Variants in PCNT observed in about 807,000 individuals in gnomAD.
PCNT encodes the protein pericentrin.
In PCNT, 319 loss-of-function variants were observed where a neutral mutation model predicts 380.4. The observed-to-expected ratio is 0.84, with a 90% CI of 0.77 to 0.92. PCNT has a LOEUF of 0.92. Ranked by LOEUF, PCNT falls within the 40% of genes least tolerant of loss-of-function variation. The pLI is 0.00. For missense variants in PCNT, 4,400 were observed against 4,255.3 expected, an observed-to-expected ratio of 1.03 and a Z score of -0.95; for synonymous variants, 1,845 against 1,735.2, an observed-to-expected ratio of 1.06 and a Z score of -1.57.
intron 37 of PCNT, chr21:46,431,310 C>T: frequency 7.0e-7 from 1 of 1,419,168 alleles, no homozygotes; most frequent in Non-Finnish European, 9.2e-7. Context: ...ACCCAGGACT[C>T]AACACCATTT....
chr21:46,360,778 A>G (rs570985227), intron 13 of PCNT, among the ~76,000 whole-genome samples: 4 of 151,698 alleles, frequency 2.6e-5, no homozygotes, highest in Admixed American at 6.6e-5. Flanking sequence ...TCGGCCTCCC[A>G]AAGTGCTGGG....
chr21:46,346,991 G>A lies in PCNT; in HGVS notation c.969G>A (p.Gln323=), dbSNP rs1321851847. 1.3e-6 allele frequency: 2 copies of A among 1,595,198 alleles called. No individual in the cohort carries two copies. The highest frequency in any genetic ancestry group is 8.5e-7 in the Non-Finnish European group (1 of 1,173,516). The stretch of plus-strand genomic sequence containing the variant: ...AGGAGGTGGTGCTCAGGTGTGGACA[G>A]GAAGCAGGTACTGCATGGCTAGGCG... ...EKEEVVLRCG[Q]EAAELKEKLQ... The change falls in exon 5 of 47, where the codon CAG becomes CAA. Residue 323 remains glutamine, a synonymous_variant. Transcript: ENST00000359568.
At chr21:46,374,849 CAAAAAAAA>C (rs760273140) in intron 15 of PCNT, among the ~76,000 whole-genome samples, 11 of 85,562 alleles carry the variant, frequency 1.3e-4, no homozygotes, top group Non-Finnish European at 1.8e-4. Context: ...AACTTCGTCT[CAAAAAAAA>C]AAAAAAAAAA....
At position 46,443,966 on chromosome 21, in the gene PCNT, A is replaced by G. The variant is rs1003538985; in HGVS notation, c.9839+18A>G. 1.9e-6 allele frequency: 3 copies of G among 1,608,348 alleles called. No homozygotes were observed. Among genetic ancestry groups the G allele is most frequent in the Non-Finnish European group, 2.5e-6 (3 of 1,177,244 alleles). On this transcript the variant is annotated intron_variant, in intron 45 of 46. Coordinates refer to ENST00000359568, the MANE Select transcript of PCNT (RefSeq NM_006031.6). ...GGGGGAAGGTCAGTGTGATGCCTTC[A>G]GGCCCCGTCTCCTGCCAGGGCTCTC...
At position 46,422,077 on chromosome 21, in the gene PCNT, C is replaced by T. The variant is rs1238999624; in HGVS notation, c.7132C>T (p.Leu2378=). 4 of 1,613,946 alleles carry T rather than the reference C, an allele frequency of 2.5e-6. No individual in the cohort carries two copies. The highest frequency in any genetic ancestry group is 3.4e-6 in the Non-Finnish European group (4 of 1,180,030). Residue 2378 remains leucine, a synonymous_variant, in exon 32 of 47, where the codon CTG becomes TTG. Coordinates refer to ENST00000359568, the MANE Select transcript of PCNT (RefSeq NM_006031.6). ...TTCCATCTCTGGAAGGTTTCAGCCG[C>T]TGCCGGAAGCCATGAAGGAGAAGGA... ...PASISGRFQP[L]PEAMKEKEVR... is the part of the protein sequence containing the mutation.
At chr21:46,406,448 A>G (rs192502866) in intron 27 of PCNT, among the ~76,000 whole-genome samples, 1 of 152,376 alleles carries the variant, frequency 6.6e-6, no homozygotes, top group East Asian at 1.9e-4. Flanking sequence ...GTGAATACAC[A>G]TACACCTTTT....
chr21:46,424,701 C>T (rs2087414510), intron 32 of PCNT, among the ~76,000 whole-genome samples: 1 of 110,034 alleles, frequency 9.1e-6, no homozygotes, highest in African/African-American at 3.9e-5. Flanking sequence ...TCCCCCGGCC[C>T]TGCTCCCACT....
rs750576298 is a variant in PCNT, at chr21:46,349,174, A to C, written c.1195A>C (p.Asn399His). The C allele has an allele frequency of 2.5e-6, 4 of 1,613,660 alleles. No homozygotes were observed. In the South Asian group the frequency reaches 4.4e-5, roughly 18 times the overall value. Reference protein sequence around the residue: ...AELEKIFQDKNQAERALRNLE... With the variant: ...AELEKIFQDKHQAERALRNLE... Reference sequence around the variant, plus strand: ...GTTGGAGAAGATTTTTCAAGACAAAAACCAGGCTGAACGTAAGTAATGAAA... The same window carrying C: ...GTTGGAGAAGATTTTTCAAGACAAACACCAGGCTGAACGTAAGTAATGAAA... The change falls in exon 7 of 47, where the codon AAC (asparagine) becomes CAC (histidine). Residue 399 changes from asparagine (N) to histidine (H), a missense_variant. Transcript: ENST00000359568.
At chr21:46,366,434 G>A (rs547129440) in intron 14 of PCNT, 150 bp from the exon 15 acceptor site, 54 of 714,686 alleles carry the variant, frequency 7.6e-5, no homozygotes, top group African/African-American at 7.0e-4. Flanking sequence ...TCTGGTGGTC[G>A]AGGGAAAAGT....
At position 46,401,722 on chromosome 21, in the gene PCNT, G is replaced by C. The variant is rs759918881; in HGVS notation, c.4962+1G>C. The C allele has an allele frequency of 1.2e-6, 2 of 1,613,932 alleles. No homozygotes were observed. Among genetic ancestry groups the C allele is most frequent in the Admixed American group, 1.7e-5 (1 of 60,008 alleles). ...AGCACTCCTGCGGCGCGAGAGCGAG[G>C]TGAGTGCAGAGTGGGGCCATGGGAC... On this transcript the variant is annotated splice_donor_variant, in intron 26 of 46. Coordinates refer to ENST00000359568, the MANE Select transcript of PCNT (RefSeq NM_006031.6). LOFTEE classifies it high-confidence loss of function.
In PCNT at chr21:46,326,558, C is replaced by T. The variant is rs745598788; in HGVS notation, c.236C>T (p.Pro79Leu). 3.9e-5 allele frequency: 63 copies of T among 1,614,132 alleles called. 2 individuals are homozygous for T. The South Asian group carries it at 6.4e-4, about 16-fold the overall frequency. ...AAAAGCACATCATGTGACGACACCCCTGATGGGGCAGGAGGGGCCTTTGCA... is the reference window on the plus strand; with the variant it reads ...AAAAGCACATCATGTGACGACACCCTTGATGGGGCAGGAGGGGCCTTTGCA... ...ICKSTSCDDT[P>L]DGAGGAFAAQ... Residue 79 changes from proline to leucine, a missense_variant, in exon 2 of 47, where the codon CCT becomes CTT. Coordinates refer to ENST00000359568, the MANE Select transcript of PCNT (RefSeq NM_006031.6).
At position 46,416,496 on chromosome 21, in the gene PCNT, C is replaced by T. The variant is rs368565898; in HGVS notation, c.6578C>T (p.Pro2193Leu). Residue 2193 changes from proline to leucine, a missense_variant, in exon 30 of 47, where the codon CCG becomes CTG. Physicochemically the swap from Pro to Leu is moderately conservative, Grantham distance 98. Transcript: ENST00000359568. The part of the protein sequence containing the change: ...SECQDMSLSS[P>L]TSVLGGSRHQ... The stretch of plus-strand genomic sequence containing the variant: ...TGTCAGGACATGTCTCTTTCTTCAC[C>T]GACCAGCGTACTTGGTGGCTCCCGC... The T allele has an allele frequency of 3.4e-5, 55 of 1,613,976 alleles. No homozygotes were observed. In the East Asian group the frequency reaches 3.6e-4, roughly 10 times the overall value.
chr21:46,333,807 C>T (rs1352713724), intron 2 of PCNT, among the ~76,000 whole-genome samples: 2 of 147,428 alleles, frequency 1.4e-5, no homozygotes. Context: ...AACTGCATTG[C>T]AGCCTGGCAA....
chr21:46,327,964 C>A (rs896994738), intron 2 of PCNT, among the ~76,000 whole-genome samples: 2 of 152,186 alleles, frequency 1.3e-5, no homozygotes, highest in Admixed American at 6.5e-5. Context: ...GCCTACAAAC[C>A]TGCCTGGAGG....
intron 31 of PCNT, among the ~76,000 whole-genome samples, 190 bp downstream of exon 31, chr21:46,418,496 A>G (rs1318143225): frequency 6.6e-6 from 1 of 152,194 alleles, no homozygotes; most frequent in Non-Finnish European, 1.5e-5. Flanking sequence ...TACCTTTCAC[A>G]GAGCCAAGGT....
At chr21:46,392,968 C>T (rs1342211143) in intron 21 of PCNT, among the ~76,000 whole-genome samples, 1 of 152,144 alleles carries the variant, frequency 6.6e-6, no homozygotes, top group Non-Finnish European at 1.5e-5. Flanking sequence ...TTTTAAAAGC[C>T]TGTCTGTGAG....
chr21:46,344,457 G>T (rs1036391398), intron 3 of PCNT, among the ~76,000 whole-genome samples: 1 of 152,230 alleles, frequency 6.6e-6, no homozygotes, highest in Non-Finnish European at 1.5e-5. Context: ...GGCAGCCCTT[G>T]TGGAGCCCAC....
In PCNT at chr21:46,411,593, C is replaced by T. The variant is rs1326095824; in HGVS notation, c.5520C>T (p.Arg1840=). 6.2e-7 allele frequency: 1 copy of T among 1,612,864 alleles called. No homozygotes were observed. Among genetic ancestry groups the T allele is most frequent in the Non-Finnish European group, 8.5e-7 (1 of 1,179,838 alleles). ...AAELQLAELE[R]NVALREAEVE... ...AGCTACAGCTGGCTGAGCTGGAGCG[C>T]AATGTAGCCCTCAGGGAGGCTGAGG... The change falls in exon 28 of 47, where the codon CGC becomes CGT. Residue 1840 remains arginine (R), a synonymous_variant. Coordinates refer to ENST00000359568, the MANE Select transcript of PCNT (RefSeq NM_006031.6).
At chr21:46,367,251 C>T (rs2084961041) in intron 15 of PCNT, 112 bp downstream of exon 15, 1 of 865,738 alleles carries the variant, frequency 1.2e-6, no homozygotes, top group South Asian at 1.4e-5. Context: ...GTGCGGGTGT[C>T]TGTGTGTCTC....
Sources: allele counts gnomAD v4.1 joint callset (sites outside exome capture counted in the v4.1 genomes callset), GRCh38; gene constraint gnomAD v4.1.1; transcripts MANE v1.5; gene names NCBI Gene and HGNC (gene_info 2026-07-23, HGNC 2026-07-21).